GRM8: variants seen among roughly 807,000 people sequenced by gnomAD.
GRM8 encodes the protein glutamate metabotropic receptor 8, also known as metabotropic glutamate receptor 8.
A neutral mutation model predicts 87.2 loss-of-function variants in GRM8; 47 were observed. The observed-to-expected ratio is 0.54, with a 90% CI of 0.43 to 0.69. The LOEUF is 0.69. GRM8 is among the 30% of genes least tolerant of loss of function. The probability of loss-of-function intolerance (pLI) is 0.00; values close to 1 mark genes in which losing one functional copy is unlikely to be tolerated. For missense variants in GRM8, 1,019 were observed against 1,139.2 expected, an observed-to-expected ratio of 0.89 and a Z score of 1.52; for synonymous variants, 396 against 404.5, an observed-to-expected ratio of 0.98 and a Z score of 0.25.
intron 7 of GRM8, among the ~76,000 whole-genome samples, chr7:126,732,065 T>A (rs947736680): frequency 1.3e-5 from 2 of 152,056 alleles, no homozygotes; most frequent in African/African-American, 4.8e-5. Flanking sequence ...CATGCAAGTA[T>A]CACCAAAACT....
intron 2 of GRM8, among the ~76,000 whole-genome samples, chr7:127,145,590 A>G (rs1828511900): frequency 6.6e-6 from 1 of 152,264 alleles, no homozygotes; most frequent in Non-Finnish European, 1.5e-5. Context: ...AGGGGTAGCT[A>G]ATTGTGTCAA....
At chr7:127,028,256 C>T (rs975474125) in intron 3 of GRM8, among the ~76,000 whole-genome samples, 2 of 152,240 alleles carry the variant, frequency 1.3e-5, no homozygotes, top group Admixed American at 1.3e-4. Flanking sequence ...TAAGGATTTT[C>T]GCATTGATGT....
rs79094040 is a variant in GRM8, at chr7:126,569,554, T to C, written c.1495-35667A>G. On this transcript the variant is annotated intron_variant, in intron 8 of 10. Coordinates refer to ENST00000339582, the MANE Select transcript of GRM8 (RefSeq NM_000845.3). The stretch of plus-strand genomic sequence containing the variant: ...CACACCAGTAATTCTCTAGCAGTGT[T>C]AGCACAGAGTCACTAAAATTGGAAT... Among the ~76,000 whole-genome samples, 62 of 152,318 alleles carry C rather than the reference T, an allele frequency of 4.1e-4. No individual in the cohort carries two copies. In the East Asian group the frequency reaches 0.01, roughly 25 times the overall value.
At chr7:127,069,055 T>C (rs542714638) in intron 3 of GRM8, among the ~76,000 whole-genome samples, 5 of 152,326 alleles carry the variant, frequency 3.3e-5, no homozygotes, top group Admixed American at 2.6e-4. Context: ...GGTACTCAGA[T>C]TGGGGTTTCT....
chr7:126,650,037 C>T (rs1803630535), intron 7 of GRM8, among the ~76,000 whole-genome samples: 1 of 152,190 alleles, frequency 6.6e-6, no homozygotes, highest in Admixed American at 6.5e-5. Context: ...TAGCTCTTGT[C>T]CCGTTACTGG....
rs141160424 is a variant in GRM8, at chr7:126,730,656, G to C, written c.1357+39209C>G. On this transcript the variant is annotated intron_variant, in intron 7 of 10. Coordinates refer to ENST00000339582, the MANE Select transcript of GRM8 (RefSeq NM_000845.3). ...GGATAGAAGCCTGTCACAAACATTT[G>C]AAAAGAGAGAAGGGAACGTGAAAGA... Among the ~76,000 whole-genome samples, 742 of 152,246 alleles carry C rather than the reference G, an allele frequency of 4.9e-3. 5 individuals are homozygous for C. Among genetic ancestry groups the C allele is most frequent in the Middle Eastern group, 6.8e-3 (2 of 294 alleles).
At chr7:126,521,004 G>A (rs1236452058) in intron 9 of GRM8, among the ~76,000 whole-genome samples, 1 of 152,136 alleles carries the variant, frequency 6.6e-6, no homozygotes, top group Non-Finnish European at 1.5e-5. Context: ...GCACTACAGT[G>A]ATAAGCTGCC....
chr7:126,750,401 C>T (rs1041530682), intron 7 of GRM8, among the ~76,000 whole-genome samples: 3 of 151,954 alleles, frequency 2.0e-5, no homozygotes, highest in Non-Finnish European at 4.4e-5. Context: ...GGTGGTTACA[C>T]CACTGCATAT....
At chr7:126,672,412 T>A (rs1354100060) in intron 7 of GRM8, among the ~76,000 whole-genome samples, 1 of 152,186 alleles carries the variant, frequency 6.6e-6, no homozygotes, top group Non-Finnish European at 1.5e-5. Flanking sequence ...TAGCCATTTA[T>A]ATTCACTCTG....
At chr7:127,073,330 T>C (rs1020764354) in intron 3 of GRM8, among the ~76,000 whole-genome samples, 1 of 152,092 alleles carries the variant, frequency 6.6e-6, no homozygotes, top group African/African-American at 2.4e-5. Flanking sequence ...AGGGGGCAGA[T>C]GAGTAAGTAC....
chr7:127,230,550 G>A (rs1053068486), intron 2 of GRM8, among the ~76,000 whole-genome samples: 4 of 152,074 alleles, frequency 2.6e-5, no homozygotes, highest in African/African-American at 9.7e-5. Flanking sequence ...GAATGAATGT[G>A]TATCCCCCAC....
At chr7:126,883,546 T>A (rs1043315907) in intron 6 of GRM8, among the ~76,000 whole-genome samples, 26 of 152,310 alleles carry the variant, frequency 1.7e-4, no homozygotes, top group African/African-American at 5.8e-4. Flanking sequence ...TCTCTAATAT[T>A]CCTTCTAACT....
intron 9 of GRM8, among the ~76,000 whole-genome samples, chr7:126,475,043 T>C (rs2150571605): frequency 6.6e-6 from 1 of 152,254 alleles, no homozygotes; most frequent in Non-Finnish European, 1.5e-5. Flanking sequence ...AGTGAAAAGC[T>C]GATAGCTTTT....
chr7:126,909,584 T>C (rs936045114), intron 3 of GRM8, among the ~76,000 whole-genome samples: 1 of 152,236 alleles, frequency 6.6e-6, no homozygotes, highest in African/African-American at 2.4e-5. Flanking sequence ...TATGAAGGAA[T>C]TTATAATTGG....
At chr7:126,608,682 C>T (rs1798604459) in intron 8 of GRM8, among the ~76,000 whole-genome samples, 1 of 152,032 alleles carries the variant, frequency 6.6e-6, no homozygotes, top group Admixed American at 6.5e-5. Context: ...GCAATATAAA[C>T]ACAGAGTATG....
rs568568803 is a variant in GRM8 at position 127,220,186 on chromosome 7, G to A, written c.510+22509C>T. The stretch of plus-strand genomic sequence containing the variant: ...TTCGAACAGCTCCAGGACTGACATC[G>A]CTAAGGTCTTCCCAACTTTATCTTT... On this transcript the variant is annotated intron_variant, in intron 2 of 10. Coordinates refer to ENST00000339582, the MANE Select transcript of GRM8 (RefSeq NM_000845.3). 9.1e-4 allele frequency among the ~76,000 whole-genome samples: 139 copies of A among 152,284 alleles called. 3 individuals are homozygous for A. In the South Asian group the frequency reaches 0.026, roughly 29 times the overall value.
chr7:127,245,807 G>A (rs921261265), intron 1 of GRM8, among the ~76,000 whole-genome samples: 15 of 152,028 alleles, frequency 9.9e-5, no homozygotes, highest in South Asian at 2.1e-4. Context: ...TGGAGTTTCC[G>A]TCTCTGGAAC....
intron 7 of GRM8, among the ~76,000 whole-genome samples, chr7:126,755,436 T>C (rs1816895119): frequency 6.6e-6 from 1 of 151,966 alleles, no homozygotes; most frequent in African/African-American, 2.4e-5. Context: ...AGACGGCTGA[T>C]GTCATTTCAG....
intron 6 of GRM8, among the ~76,000 whole-genome samples, chr7:126,884,431 T>C (rs894780592): frequency 1.3e-5 from 2 of 152,172 alleles, no homozygotes; most frequent in African/African-American, 4.8e-5. Context: ...TGGATATCAG[T>C]AGCTTAAATA....
Sources: allele counts gnomAD v4.1 joint callset (sites outside exome capture counted in the v4.1 genomes callset), GRCh38; gene constraint gnomAD v4.1.1; transcripts MANE v1.5; gene names NCBI Gene and HGNC (gene_info 2026-07-23, HGNC 2026-07-21).